Variants in PODXL observed in about 807,000 individuals in gnomAD.
The protein encoded by PODXL is podocalyxin.
In PODXL, 20 loss-of-function variants were observed where a neutral mutation model predicts 48.9. The ratio of observed to expected loss-of-function variants is 0.41; its 90% confidence interval spans 0.29 to 0.59. PODXL has a LOEUF of 0.59. PODXL is among the 20% of genes least tolerant of loss of function. PODXL has a pLI of 0.31. For synonymous variants in PODXL, 295 were observed against 287.4 expected (o/e 1.03, Z -0.27); for missense variants, 606 against 675.1 (o/e 0.90, Z 1.13).
At chr7:131,553,327 T>G (rs1798695269) in intron 1 of PODXL, among the ~76,000 whole-genome samples, 1 of 152,178 alleles carries the variant, frequency 6.6e-6, no homozygotes. Context: ...TTCCAAATCT[T>G]ATACTCTTTT....
chr7:131,526,018 C>CA (rs1257740157), intron 1 of PODXL, among the ~76,000 whole-genome samples: 1 of 152,144 alleles, frequency 6.6e-6, no homozygotes, highest in Non-Finnish European at 1.5e-5. Flanking sequence ...TCTGTCCACT[C>CA]AGAGCATCTG....
At chr7:131,518,032 GC>G (rs1562907144) in intron 1 of PODXL, among the ~76,000 whole-genome samples, 2 of 152,102 alleles carry the variant, frequency 1.3e-5, no homozygotes, top group African/African-American at 4.8e-5. Context: ...AGCCATCGGG[GC>G]CGGCCGTATA....
intron 1 of PODXL, among the ~76,000 whole-genome samples, chr7:131,555,407 T>G (rs951209898): frequency 1.3e-5 from 2 of 152,046 alleles, no homozygotes; most frequent in African/African-American, 4.8e-5. Flanking sequence ...AGGGAAAGAG[T>G]AACATTTCAC....
chr7:131,513,331 T>G (rs1055331582), intron 1 of PODXL, among the ~76,000 whole-genome samples: 2 of 152,170 alleles, frequency 1.3e-5, no homozygotes, highest in South Asian at 2.1e-4. Flanking sequence ...GGAGATCAAC[T>G]GCTTGTTGAT....
chr7:131,525,606 A>C (rs1445103105), intron 1 of PODXL, among the ~76,000 whole-genome samples: 1 of 151,876 alleles, frequency 6.6e-6, no homozygotes, highest in Admixed American at 6.6e-5. Flanking sequence ...ATCTCAAAAA[A>C]AAAAACACAA....
chr7:131,534,973 G>C (rs1185521491), intron 1 of PODXL, among the ~76,000 whole-genome samples: 1 of 152,106 alleles, frequency 6.6e-6, no homozygotes, highest in Non-Finnish European at 1.5e-5. Flanking sequence ...GATGGCTTGA[G>C]CCTGGGAGGC....
chr7:131,525,489 A>G (rs2116823439), intron 1 of PODXL, among the ~76,000 whole-genome samples: 1 of 149,812 alleles, frequency 6.7e-6, no homozygotes, highest in East Asian at 2.0e-4. Flanking sequence ...GCGTGCCTGT[A>G]ATCCCAGCTA....
In PODXL at chr7:131,511,088, T is replaced by C. The variant is rs2116791788; in HGVS notation, c.446A>G (p.Gln149Arg). The change falls in exon 2 of 9, where the codon CAG becomes CGG. Residue 149 changes from glutamine (Q) to arginine (R), a missense_variant. Physicochemically the swap from Gln to Arg is conservative, Grantham distance 43. Coordinates refer to ENST00000378555, the MANE Select transcript of PODXL (RefSeq NM_001018111.3). ...ATAKPNTTSSQNGAEDTTNSG... is the reference protein window; with the variant it reads ...ATAKPNTTSSRNGAEDTTNSG... ...GTTTGTTGTATCTTCTGCTCCATTCTGGCTGCTTGTGGTGTTAGGTTTAGC... is the reference window on the plus strand; with the variant it reads ...GTTTGTTGTATCTTCTGCTCCATTCCGGCTGCTTGTGGTGTTAGGTTTAGC... The C allele has an allele frequency of 6.2e-7, 1 of 1,614,120 alleles. No homozygotes were observed. Among genetic ancestry groups the C allele is most frequent in the East Asian group, 2.2e-5 (1 of 44,872 alleles).
intron 1 of PODXL, among the ~76,000 whole-genome samples, chr7:131,513,998 G>A (rs923246001): frequency 5.3e-5 from 8 of 152,196 alleles, no homozygotes; most frequent in Admixed American, 4.6e-4. Context: ...AGTGTCCCAT[G>A]ATATCTCAAG....
chr7:131,531,663 C>T (rs1450710274), intron 1 of PODXL, among the ~76,000 whole-genome samples: 2 of 152,222 alleles, frequency 1.3e-5, no homozygotes, highest in Non-Finnish European at 2.9e-5. Flanking sequence ...TCCCGCCAAC[C>T]TCTGCCCTCA....
At chr7:131,508,096 T>C (rs1173500832) in intron 5 of PODXL, among the ~76,000 whole-genome samples, 3 of 152,172 alleles carry the variant, frequency 2.0e-5, no homozygotes, top group African/African-American at 7.2e-5. Flanking sequence ...TCGGCAGTTA[T>C]TTACTGAGTG....
chr7:131,509,099 G>A, intron 4 of PODXL, 71 bp from the exon 5 acceptor site: 3 of 1,343,756 alleles, frequency 2.2e-6, no homozygotes, highest in Non-Finnish European at 3.2e-6. Flanking sequence ...CCCCAACTAA[G>A]GGGTGACCCA....
intron 1 of PODXL, among the ~76,000 whole-genome samples, chr7:131,552,772 C>G (rs754534411): frequency 6.6e-6 from 1 of 152,150 alleles, no homozygotes; most frequent in Non-Finnish European, 1.5e-5. Context: ...CACATTCCCC[C>G]ACCCCAGCCC....
intron 1 of PODXL, among the ~76,000 whole-genome samples, chr7:131,552,615 C>T (rs1281746066): frequency 6.6e-6 from 1 of 152,192 alleles, no homozygotes; most frequent in Non-Finnish European, 1.5e-5. Flanking sequence ...CTCAGCCCTT[C>T]TCTGGACGAC....
At position 131,522,014 on chromosome 7, in the gene PODXL, C is replaced by T. The variant is rs1195836679; in HGVS notation, c.101-10581G>A. Among the ~76,000 whole-genome samples, 8 of 152,220 alleles carry T rather than the reference C, an allele frequency of 5.3e-5. 1 individual carries two copies. In the East Asian group the frequency reaches 9.6e-4, roughly 18 times the overall value. ...GCAGAGCTGTGGGCTAAACCCAGCC[C>T]GAACATCTAGGAAGAGGCAGGAATG... is the stretch of plus-strand genomic sequence containing the variant. On this transcript the variant is annotated intron_variant, in intron 1 of 8. Transcript: ENST00000378555.
At chr7:131,518,805 G>A (rs1798049209) in intron 1 of PODXL, among the ~76,000 whole-genome samples, 2 of 152,160 alleles carry the variant, frequency 1.3e-5, no homozygotes, top group Non-Finnish European at 2.9e-5. Flanking sequence ...TCCAGAACGG[G>A]CCGCCCTCCA....
Position 131,538,157 on chromosome 7 carries a change from C to T in PODXL, c.100+18103G>A, listed in dbSNP as rs533563563. ...TGAACCAGGAGACCAGCTCCTGGCCCCTCCCCTGTGCTCTGACTTAGTTGG... is the reference window on the plus strand; with the variant it reads ...TGAACCAGGAGACCAGCTCCTGGCCTCTCCCCTGTGCTCTGACTTAGTTGG... On this transcript the variant is annotated intron_variant, in intron 1 of 8. Coordinates refer to ENST00000378555, the MANE Select transcript of PODXL (RefSeq NM_001018111.3). Among the ~76,000 whole-genome samples, 5 of 152,122 alleles carry T rather than the reference C, an allele frequency of 3.3e-5. No individual in the cohort carries two copies. The South Asian group carries it at 1.0e-3, about 32-fold the overall frequency.
intron 1 of PODXL, among the ~76,000 whole-genome samples, chr7:131,552,977 A>T (rs114421660): frequency 6.6e-6 from 1 of 152,160 alleles, no homozygotes; most frequent in South Asian, 2.1e-4. Context: ...TTTTTAGTAC[A>T]GTCTTACTAG....
At chr7:131,524,940 T>C (rs1798155873) in intron 1 of PODXL, among the ~76,000 whole-genome samples, 1 of 152,112 alleles carries the variant, frequency 6.6e-6, no homozygotes, top group Non-Finnish European at 1.5e-5. Flanking sequence ...TGTGACAATA[T>C]AGATAAGACT....
Sources: gnomAD v4.1 joint callset for allele counts (sites outside exome capture counted in the v4.1 genomes callset) on GRCh38, gnomAD v4.1.1 for gene constraint, MANE v1.5 for transcripts, NCBI Gene and HGNC (gene_info 2026-07-23, HGNC 2026-07-21) for gene names.